AP3S2: variants seen among roughly 807,000 people sequenced by gnomAD.
AP3S2 encodes adaptor related protein complex 3 subunit sigma 2, also known as AP-3 complex subunit sigma-2.
In AP3S2, 22 loss-of-function variants were observed where a neutral mutation model predicts 23.4. The ratio of observed to expected loss-of-function variants is 0.94; its 90% CI spans 0.67 to 1.34. The LOEUF (loss-of-function observed/expected upper bound fraction) is 1.34. Among genes scored for constraint, AP3S2 ranks in the 40% most tolerant of loss-of-function variants. AP3S2 has a pLI of 0.00. For synonymous variants in AP3S2, 86 were observed against 87.1 expected, an observed-to-expected ratio of 0.99 and a Z score of 0.07; for missense variants, 241 against 236.9, an observed-to-expected ratio of 1.02 and a Z score of -0.11.
intron 4 of AP3S2, among the ~76,000 whole-genome samples, chr15:89,851,628 C>T (rs564735697): frequency 7.4e-4 from 113 of 152,244 alleles, no homozygotes; most frequent in African/African-American, 2.5e-3. Flanking sequence ...TGAGCCACCG[C>T]GCCCAACTCA....
chr15:89,877,368 T>C, intron 3 of AP3S2: 1 of 1,294,544 alleles, frequency 7.7e-7, no homozygotes, highest in Non-Finnish European at 1.0e-6. Context: ...CCCAAAGAGC[T>C]AGTGTTCCAG....
At chr15:89,879,961 AT>A (rs34697679) in intron 3 of AP3S2, among the ~76,000 whole-genome samples, 19,413 of 134,104 alleles carry the variant, frequency 0.14, 1,371 homozygotes, top group Middle Eastern at 0.26. Context: ...CATACTCTTC[AT>A]TTTTTTTTTT....
intron 4 of AP3S2, among the ~76,000 whole-genome samples, chr15:89,842,724 T>C (rs1481124976): frequency 6.6e-6 from 1 of 152,162 alleles, no homozygotes; most frequent in African/African-American, 2.4e-5. Flanking sequence ...GCGATTCTCC[T>C]GCCTCAGCCT....
intron 4 of AP3S2, among the ~76,000 whole-genome samples, chr15:89,860,116 A>G (rs1442244620): frequency 6.6e-6 from 1 of 152,158 alleles, no homozygotes; most frequent in East Asian, 1.9e-4. Flanking sequence ...CCTCTGAAAA[A>G]AATATTCTAC....
chr15:89,858,543 A>T (rs970157247), intron 4 of AP3S2, among the ~76,000 whole-genome samples: 1 of 146,852 alleles, frequency 6.8e-6, no homozygotes, highest in African/African-American at 2.6e-5. Context: ...GAAAGAAAGA[A>T]AGAAAGAAAG....
rs1255109220 is a variant in AP3S2, at chr15:89,833,572, A to T, written c.*1943T>A. The T allele has an allele frequency of 6.6e-6, 1 of 152,230 alleles. No individual in the cohort carries two copies. The highest frequency in any genetic ancestry group is 2.1e-4 in the South Asian group (1 of 4,830). 9.4% of individuals were successfully genotyped at this position (152,230 alleles called of 1,614,324 possible). ...TACAGAAGGTACGAAATAAACGCCG[A>T]TCTCCTTTATTCTGATCTCACATTC... On this transcript the variant is annotated 3_prime_UTR_variant, in exon 6 of 6. Coordinates refer to ENST00000336418, the MANE Select transcript of AP3S2 (RefSeq NM_005829.5).
intron 4 of AP3S2, among the ~76,000 whole-genome samples, chr15:89,843,038 G>A (rs1895369445): frequency 6.6e-6 from 1 of 151,958 alleles, no homozygotes; most frequent in African/African-American, 2.4e-5. Context: ...AGACTGGAGT[G>A]CAATGGCGCG....
rs1256783 is a variant in AP3S2 at position 89,853,632 on chromosome 15, C to G, written c.346-15910G>C. The stretch of plus-strand genomic sequence containing the variant: ...CCAGTCTGGAAAGTGAGGAGCGTCT[C>G]CGCCCGGCCGCCATCCCATCTAGGA... On this transcript the variant is annotated intron_variant, in intron 4 of 5. Transcript: ENST00000336418. Among the ~76,000 whole-genome samples, 151 of 141,794 alleles carry G rather than the reference C, an allele frequency of 1.1e-3. 1 individual carries two copies. Among genetic ancestry groups the G allele is most frequent in the Middle Eastern group, 7.1e-3 (2 of 282 alleles). 93.0% of individuals were successfully genotyped at this position (141,794 alleles called of 152,430 possible).
intron 4 of AP3S2, among the ~76,000 whole-genome samples, chr15:89,863,728 T>A (rs1200293476): frequency 1.3e-5 from 2 of 152,176 alleles, no homozygotes; most frequent in African/African-American, 4.8e-5. Context: ...GGGGCATCTA[T>A]CCATGACTAT....
At chr15:89,871,636 C>T (rs762767211) in intron 3 of AP3S2, 90 bp from the exon 4 acceptor site, 26 of 1,309,796 alleles carry the variant, frequency 2.0e-5, no homozygotes, top group Non-Finnish European at 2.8e-5. Context: ...AAGGGGCTGT[C>T]ACAATACTAT....
At position 89,877,355 on chromosome 15, in the gene AP3S2, G is replaced by T. The variant is rs1004923240; in HGVS notation, c.274-5809C>A. The T allele has an allele frequency of 3.9e-6, 5 of 1,298,090 alleles. No homozygotes were observed. In the South Asian group the frequency reaches 6.1e-5, roughly 16 times the overall value. 80.4% of individuals were successfully genotyped at this position (1,298,090 alleles called of 1,614,324 possible). On this transcript the variant is annotated intron_variant, in intron 3 of 5. Coordinates refer to ENST00000336418, the MANE Select transcript of AP3S2 (RefSeq NM_005829.5). Reference sequence around the variant, plus strand: ...CTTCTTGTTCTGATGTCAGGTCCTTGTTCCCAAAGAGCTAGTGTTCCAGTT... The same window carrying T: ...CTTCTTGTTCTGATGTCAGGTCCTTTTTCCCAAAGAGCTAGTGTTCCAGTT...
chr15:89,863,277 C>A (rs912356031), intron 4 of AP3S2, among the ~76,000 whole-genome samples: 1 of 152,144 alleles, frequency 6.6e-6, no homozygotes, highest in East Asian at 1.9e-4. Context: ...AAAGACTGGG[C>A]GTAAATCACC....
intron 4 of AP3S2, among the ~76,000 whole-genome samples, chr15:89,870,318 A>G (rs1355983992): frequency 6.6e-6 from 1 of 152,156 alleles, no homozygotes; most frequent in Non-Finnish European, 1.5e-5. Flanking sequence ...CTTTCATATG[A>G]AAGGGAGGGT....
intron 4 of AP3S2, among the ~76,000 whole-genome samples, chr15:89,846,427 G>A (rs896868459): frequency 1.3e-5 from 2 of 151,708 alleles, no homozygotes; most frequent in Admixed American, 6.6e-5. Flanking sequence ...GCATGATCTC[G>A]GCTCATTGCA....
At chr15:89,846,442 C>T (rs1175522624) in intron 4 of AP3S2, among the ~76,000 whole-genome samples, 1 of 152,112 alleles carries the variant, frequency 6.6e-6, no homozygotes, top group Non-Finnish European at 1.5e-5. Context: ...ATTGCAACCT[C>T]CACCTCCCAG....
At chr15:89,888,006 T>A (rs1021932992) in intron 3 of AP3S2, among the ~76,000 whole-genome samples, 1 of 152,232 alleles carries the variant, frequency 6.6e-6, no homozygotes, top group African/African-American at 2.4e-5. Context: ...AAAATGTACA[T>A]GTCTGGCCTG....
intron 3 of AP3S2, among the ~76,000 whole-genome samples, chr15:89,875,164 T>C (rs1896413833): frequency 6.6e-6 from 1 of 152,214 alleles, no homozygotes; most frequent in Non-Finnish European, 1.5e-5. Flanking sequence ...AGGTGCCCCC[T>C]AGCGGCCTGA....
At chr15:89,859,242 T>A (rs1895942844) in intron 4 of AP3S2, among the ~76,000 whole-genome samples, 1 of 151,284 alleles carries the variant, frequency 6.6e-6, no homozygotes, top group African/African-American at 2.4e-5. Context: ...TCTTTCTTTC[T>A]TTTTCCCTCC....
rs574947291 is a variant in AP3S2 at position 89,893,977 on chromosome 15, C to A, written c.-28G>T. ...TTGCCAGCCACGGTTCTCTCAGCAC[C>A]GGCTACTCCCAGAAAGCTCCTCCTT... On this transcript the variant is annotated 5_prime_UTR_variant, in exon 1 of 6. Coordinates refer to ENST00000336418, the MANE Select transcript of AP3S2 (RefSeq NM_005829.5). The A allele has an allele frequency of 2.6e-6, 4 of 1,549,112 alleles. No homozygotes were observed. In the Admixed American group the frequency reaches 5.9e-5, roughly 23 times the overall value.
Sources: allele counts gnomAD v4.1 joint callset (sites outside exome capture counted in the v4.1 genomes callset), GRCh38; gene constraint gnomAD v4.1.1; transcripts MANE v1.5; gene names NCBI Gene and HGNC (gene_info 2026-07-23, HGNC 2026-07-21).